TRPC6: variants seen among roughly 807,000 people sequenced by gnomAD.
TRPC6 encodes short transient receptor potential channel 6.
A neutral mutation model predicts 90.7 loss-of-function variants in TRPC6; 55 were observed. The ratio of observed to expected loss-of-function variants is 0.61; its 90% CI spans 0.49 to 0.76. TRPC6 has a LOEUF of 0.76. Among genes scored for constraint, TRPC6 ranks in the 30% least tolerant of loss-of-function variants. The pLI, the probability that TRPC6 is intolerant of heterozygous loss-of-function variation, is 0.00. For missense variants in TRPC6, 989 were observed against 1,122.7 expected, an observed-to-expected ratio of 0.88 and a Z score of 1.70; for synonymous variants, 393 against 393.0, an observed-to-expected ratio of 1.00 and a Z score of 0.00.
chr11:101,583,604 G>A lies in TRPC6; in HGVS notation c.-101C>T, dbSNP rs1191264945. The A allele has an allele frequency of 1.5e-6, 2 of 1,313,992 alleles. No individual in the cohort carries two copies. The highest frequency in any genetic ancestry group is 3.2e-5 in the Admixed American group (1 of 31,324). The allele number at this position is 1,313,992 out of a possible 1,614,324, so 81.4% of individuals were successfully genotyped here. On this transcript the variant is annotated 5_prime_UTR_variant, in exon 1 of 13. Coordinates refer to ENST00000344327, the MANE Select transcript of TRPC6 (RefSeq NM_004621.6). ...GAGGGTTCGCGTCAGCGGCCGAACT[G>A]GACCTGGGCAGACCGGTGCCCAGGG...
intron 1 of TRPC6, among the ~76,000 whole-genome samples, chr11:101,548,265 A>G (rs1422552292): frequency 7.1e-6 from 1 of 140,684 alleles, no homozygotes; most frequent in Non-Finnish European, 1.5e-5. Flanking sequence ...ATATATACAT[A>G]TATATATAAT....
intron 1 of TRPC6, among the ~76,000 whole-genome samples, chr11:101,582,264 G>T (rs1862213992): frequency 6.6e-6 from 1 of 152,144 alleles, no homozygotes; most frequent in Non-Finnish European, 1.5e-5. Flanking sequence ...CCGCAGCAGG[G>T]CTTGAGGCTG....
chr11:101,568,234 A>G (rs1861879337), intron 1 of TRPC6, among the ~76,000 whole-genome samples: 1 of 152,248 alleles, frequency 6.6e-6, no homozygotes, highest in African/African-American at 2.4e-5. Flanking sequence ...CACAAGTATC[A>G]TACATGCCAA....
intron 4 of TRPC6, among the ~76,000 whole-genome samples, chr11:101,484,699 A>G (rs1037861548): frequency 6.6e-6 from 1 of 151,516 alleles, no homozygotes; most frequent in Non-Finnish European, 1.5e-5. Flanking sequence ...GTGGATACTA[A>G]AATCTAAGGC....
At chr11:101,501,399 A>G (rs1860120683) in intron 2 of TRPC6, among the ~76,000 whole-genome samples, 2 of 152,170 alleles carry the variant, frequency 1.3e-5, no homozygotes, top group Non-Finnish European at 2.9e-5. Context: ...ACATGGCTAT[A>G]TATTACTTTA....
chr11:101,569,372 T>C (rs1387588815), intron 1 of TRPC6, among the ~76,000 whole-genome samples: 6 of 152,130 alleles, frequency 3.9e-5, no homozygotes, highest in Non-Finnish European at 8.8e-5. Flanking sequence ...ATAAAGCAAG[T>C]TCTTAGAGAC....
intron 10 of TRPC6, among the ~76,000 whole-genome samples, chr11:101,459,163 T>G (rs1858948359): frequency 6.6e-6 from 1 of 152,194 alleles, no homozygotes; most frequent in East Asian, 1.9e-4. Flanking sequence ...TTGTGTTGAT[T>G]TAAGCCTCCA....
At chr11:101,554,266 T>A (rs535122963) in intron 1 of TRPC6, among the ~76,000 whole-genome samples, 1 of 152,314 alleles carries the variant, frequency 6.6e-6, no homozygotes, top group African/African-American at 2.4e-5. Context: ...TTTTCACTTC[T>A]GCTTTTTATT....
In TRPC6 at chr11:101,488,348, T is replaced by C. The variant is rs149418691; in HGVS notation, c.1293+589A>G. Among the ~76,000 whole-genome samples the C allele has an allele frequency of 1.9e-4, 29 of 152,298 alleles. 1 individual carries two copies. The East Asian group carries it at 5.2e-3, about 27-fold the overall frequency. ...GGGTAGATAGCTTTTGCTAAGAAAA[T>C]AGGCTATTTTTGCTGTCAGGTTCTG... is the stretch of plus-strand genomic sequence containing the variant. On this transcript the variant is annotated intron_variant, in intron 4 of 12. Coordinates refer to ENST00000344327, the MANE Select transcript of TRPC6 (RefSeq NM_004621.6).
chr11:101,456,816 G>GT (rs1316957188), intron 10 of TRPC6, among the ~76,000 whole-genome samples: 9 of 152,040 alleles, frequency 5.9e-5, no homozygotes, highest in Non-Finnish European at 1.0e-4. Context: ...TATGGGTCTA[G>GT]TTTTTTTCTA....
chr11:101,470,427 G>A (rs1215025164), intron 9 of TRPC6, among the ~76,000 whole-genome samples: 4 of 152,032 alleles, frequency 2.6e-5, no homozygotes, highest in Non-Finnish European at 5.9e-5. Flanking sequence ...TTATCCATAT[G>A]TGTTCCATTC....
chr11:101,469,112 G>A (rs1432666329), intron 10 of TRPC6, among the ~76,000 whole-genome samples: 1 of 152,180 alleles, frequency 6.6e-6, no homozygotes, highest in Non-Finnish European at 1.5e-5. Flanking sequence ...TGCAAAGAGT[G>A]AAGTTAATCA....
intron 1 of TRPC6, among the ~76,000 whole-genome samples, chr11:101,506,199 T>A (rs1315029552): frequency 2.0e-5 from 3 of 152,076 alleles, no homozygotes; most frequent in Non-Finnish European, 2.9e-5. Context: ...GAAGGCATGT[T>A]TTTGCAGAAC....
At chr11:101,556,442 CAAA>C (rs1861561866) in intron 1 of TRPC6, among the ~76,000 whole-genome samples, 2 of 151,968 alleles carry the variant, frequency 1.3e-5, no homozygotes, top group Non-Finnish European at 2.9e-5. Flanking sequence ...TATATGCCAA[CAAA>C]TTGGATAACC....
intron 3 of TRPC6, among the ~76,000 whole-genome samples, chr11:101,490,838 C>T (rs562505697): frequency 4.8e-4 from 73 of 152,172 alleles, no homozygotes; most frequent in African/African-American, 1.7e-3. Context: ...AAATATTCCA[C>T]CAATAAAAAT....
intron 2 of TRPC6, among the ~76,000 whole-genome samples, chr11:101,500,920 G>T (rs997284272): frequency 2.0e-5 from 3 of 152,064 alleles, no homozygotes; most frequent in Admixed American, 1.3e-4. Context: ...ATCTGAAGGA[G>T]AATTGAAGAG....
chr11:101,578,401 C>T (rs896492084), intron 1 of TRPC6, among the ~76,000 whole-genome samples: 123 of 152,214 alleles, frequency 8.1e-4, no homozygotes, highest in African/African-American at 2.8e-3. Context: ...CCCTTATTAT[C>T]AATGTGTTCA....
intron 1 of TRPC6, among the ~76,000 whole-genome samples, chr11:101,512,061 T>A (rs1432261917): frequency 6.6e-6 from 1 of 152,082 alleles, no homozygotes; most frequent in Non-Finnish European, 1.5e-5. Flanking sequence ...TCTCTCTCCC[T>A]CTTGTTTAGA....
chr11:101,483,112 G>C lies in TRPC6; in HGVS notation c.1347C>G (p.Ser449=). The change falls in exon 5 of 13, where the codon TCC becomes TCG. Residue 449 remains serine (S), a synonymous_variant. Coordinates refer to ENST00000344327, the MANE Select transcript of TRPC6 (RefSeq NM_004621.6). ...PFMKFVAHAA[S]FTIFLGLLVM... ...CTAGCAGTCCCAGAAAAATGGTGAA[G>C]GAGGCTGCGTGTGCTACAAACTTCA... 6.2e-7 allele frequency: 1 copy of C among 1,614,030 alleles called. No individual in the cohort carries two copies. Among genetic ancestry groups the C allele is most frequent in the South Asian group, 1.1e-5 (1 of 91,078 alleles).
Sources: allele counts gnomAD v4.1 joint callset (sites outside exome capture counted in the v4.1 genomes callset), GRCh38; gene constraint gnomAD v4.1.1; transcripts MANE v1.5; gene names NCBI Gene and HGNC (gene_info 2026-07-23, HGNC 2026-07-21).